The following C1QTNF7 variants were observed in gnomAD, a reference collection of about 807,000 sequenced individuals.
The protein encoded by C1QTNF7 is complement C1q tumor necrosis factor-related protein 7.
Under a neutral mutation model 19.6 loss-of-function variants are expected in C1QTNF7, and 15 were observed. The ratio of observed to expected loss-of-function variants is 0.76; its 90% confidence interval spans 0.51 to 1.18. The LOEUF (loss-of-function observed/expected upper bound fraction) is 1.18, where lower values mean the gene tolerates loss of function less well. C1QTNF7 is among the 50% of genes most tolerant of loss of function. C1QTNF7 has a pLI of 0.00. For synonymous variants in C1QTNF7, 142 were observed against 137.5 expected (o/e 1.03, Z -0.23); for missense variants, 324 against 359.7 (o/e 0.90, Z 0.80).
At position 15,445,176 on chromosome 4, in the gene C1QTNF7, A is replaced by G. The variant is rs1712946522; in HGVS notation, c.*2377A>G. On this transcript the variant is annotated 3_prime_UTR_variant, in exon 3 of 3. Coordinates refer to ENST00000444304, the MANE Select transcript of C1QTNF7 (RefSeq NM_031911.5). ...GGAGACCAAGAACAATGAGTATTAG[A>G]AAAAAAGGAGACAGCAAAGGTGGTT... The G allele has an allele frequency of 6.6e-6, 1 of 152,232 alleles. No homozygotes were observed. The highest frequency in any genetic ancestry group is 2.4e-5 in the African/African-American group (1 of 41,454). 9.4% of individuals were successfully genotyped at this position (152,232 alleles called of 1,614,324 possible). A position where few individuals can be genotyped will look rare whatever the true frequency, so the allele number is the denominator to read the frequency against.
intron 1 of C1QTNF7, among the ~76,000 whole-genome samples, chr4:15,422,534 C>T (rs944059212): frequency 1.3e-5 from 2 of 152,146 alleles, no homozygotes; most frequent in Non-Finnish European, 2.9e-5. Flanking sequence ...TGCTAAATTT[C>T]CAAATAGCTC....
At chr4:15,432,596 T>C (rs956632151) in intron 1 of C1QTNF7, among the ~76,000 whole-genome samples, 9 of 152,164 alleles carry the variant, frequency 5.9e-5, no homozygotes, top group African/African-American at 2.2e-4. Flanking sequence ...GGTTTCACCA[T>C]ATTGGCCAGG....
At chr4:15,360,472 C>T (rs1577234523) in intron 1 of C1QTNF7, among the ~76,000 whole-genome samples, 1 of 152,122 alleles carries the variant, frequency 6.6e-6, no homozygotes, top group Non-Finnish European at 1.5e-5. Context: ...TGGCCAACAT[C>T]GCTGTAACTC....
At chr4:15,359,784 G>A (rs1717272891) in intron 1 of C1QTNF7, among the ~76,000 whole-genome samples, 1 of 152,182 alleles carries the variant, frequency 6.6e-6, no homozygotes, top group South Asian at 2.1e-4. Flanking sequence ...ATTTTCAGGA[G>A]TGAGTCTGAT....
At chr4:15,357,864 C>G (rs999032690) in intron 1 of C1QTNF7, among the ~76,000 whole-genome samples, 5 of 152,162 alleles carry the variant, frequency 3.3e-5, no homozygotes, top group African/African-American at 1.2e-4. Context: ...TAGGAGTTCA[C>G]TCATGATTTT....
chr4:15,374,871 C>CTTT (rs770437174), intron 1 of C1QTNF7: 744 of 442,316 alleles, frequency 1.7e-3, no homozygotes, highest in Non-Finnish European at 1.8e-3. Context: ...CTCTCTCTCT[C>CTTT]TTTTTTTTTA....
At chr4:15,432,163 G>C (rs1712339671) in intron 1 of C1QTNF7, among the ~76,000 whole-genome samples, 1 of 152,154 alleles carries the variant, frequency 6.6e-6, no homozygotes, top group Non-Finnish European at 1.5e-5. Context: ...AATGTGAGGA[G>C]AATAGAAGAT....
At chr4:15,350,930 A>G (rs1716914579) in intron 1 of C1QTNF7, among the ~76,000 whole-genome samples, 1 of 152,222 alleles carries the variant, frequency 6.6e-6, no homozygotes, top group South Asian at 2.1e-4. Context: ...ATTCTAATCC[A>G]AAGAGACAGC....
At chr4:15,413,824 C>T (rs779857028) in intron 1 of C1QTNF7, among the ~76,000 whole-genome samples, 2 of 152,178 alleles carry the variant, frequency 1.3e-5, no homozygotes, top group Admixed American at 1.3e-4. Context: ...CACAATACCG[C>T]GTGATCCTTA....
At position 15,442,909 on chromosome 4, in the gene C1QTNF7, TA is replaced by T. The variant is rs1406377960; in HGVS notation, c.*113del. 2 of 1,165,990 alleles carry T rather than the reference TA, an allele frequency of 1.7e-6. No homozygotes were observed. The highest frequency in any genetic ancestry group is 5.1e-5 in the Admixed American group (2 of 39,200). The allele number at this position is 1,165,990 out of a possible 1,614,324, so 72.2% of individuals were successfully genotyped here. A position where few individuals can be genotyped will look rare whatever the true frequency, so the allele number is the denominator to read the frequency against. Reference sequence around the variant, plus strand: ...ACTCCCACTCAGATTCTAAAGCATTTAAAGACAATTCTAGCAGAATTTATCA... The same window carrying T: ...ACTCCCACTCAGATTCTAAAGCATTTAAGACAATTCTAGCAGAATTTATCA... On this transcript the variant is annotated 3_prime_UTR_variant, in exon 3 of 3. Transcript: ENST00000444304.
intron 1 of C1QTNF7, among the ~76,000 whole-genome samples, chr4:15,394,581 A>T (rs900281582): frequency 9.2e-5 from 14 of 152,238 alleles, no homozygotes; most frequent in African/African-American, 2.9e-4. Context: ...ATCCTTGAGG[A>T]ATTGGGTTCA....
At chr4:15,377,031 A>C (rs1373012736) in intron 1 of C1QTNF7, among the ~76,000 whole-genome samples, 4 of 152,226 alleles carry the variant, frequency 2.6e-5, no homozygotes, top group African/African-American at 9.6e-5. Flanking sequence ...GGTCACCATC[A>C]ATTAAGCCCT....
chr4:15,361,523 C>A (rs546298732), intron 1 of C1QTNF7, among the ~76,000 whole-genome samples: 2 of 152,178 alleles, frequency 1.3e-5, no homozygotes, highest in African/African-American at 4.8e-5. Flanking sequence ...ATACTCTCTG[C>A]CATTACCATA....
At chr4:15,426,929 A>G (rs531772545), upstream of C1QTNF7, among the ~76,000 whole-genome samples, 1 of 152,350 alleles carries the variant, frequency 6.6e-6, no homozygotes, top group East Asian at 1.9e-4. Flanking sequence ...TTTGAAAGTG[A>G]GAAAACAGAC....
intron 1 of C1QTNF7, among the ~76,000 whole-genome samples, chr4:15,388,768 T>G (rs1718441385): frequency 6.6e-6 from 1 of 152,140 alleles, no homozygotes; most frequent in South Asian, 2.1e-4. Flanking sequence ...CTGAGAGTTA[T>G]GACAGTAATG....
chr4:15,345,030 G>A (rs1206386237), intron 1 of C1QTNF7, among the ~76,000 whole-genome samples: 1 of 152,220 alleles, frequency 6.6e-6, no homozygotes, highest in Non-Finnish European at 1.5e-5. Flanking sequence ...TTTATCTTTA[G>A]ATTTTCCAAT....
At chr4:15,340,340 G>A (rs1716496295) in intron 1 of C1QTNF7, 1 of 1,171,484 alleles carries the variant, frequency 8.5e-7, no homozygotes, top group Non-Finnish European at 1.2e-6. Context: ...GTCAACAAAT[G>A]ATAAATCAGA....
At chr4:15,441,845 C>T (rs1249710998) in intron 2 of C1QTNF7, among the ~76,000 whole-genome samples, 1 of 152,068 alleles carries the variant, frequency 6.6e-6, no homozygotes, top group East Asian at 1.9e-4. Flanking sequence ...CATGGTGAAA[C>T]CCAGTCTATA....
chr4:15,417,040 A>T (rs993212570), intron 1 of C1QTNF7, among the ~76,000 whole-genome samples: 4 of 152,234 alleles, frequency 2.6e-5, no homozygotes, highest in East Asian at 1.9e-4. Flanking sequence ...AAAGAAATTT[A>T]AAAAATTATA....
Sources: gnomAD v4.1 joint callset for allele counts (sites outside exome capture counted in the v4.1 genomes callset) on GRCh38, gnomAD v4.1.1 for gene constraint, MANE v1.5 for transcripts, NCBI Gene and HGNC (gene_info 2026-07-23, HGNC 2026-07-21) for gene names.